NDUFAF4: variants seen among roughly 807,000 people sequenced by gnomAD.
The protein encoded by NDUFAF4 is NADH:ubiquinone oxidoreductase complex assembly factor 4.
Under a neutral mutation model 15.6 loss-of-function variants are expected in NDUFAF4, and 10 were observed. The observed-to-expected ratio is 0.64, with a 90% CI of 0.40 to 1.09. NDUFAF4 has a LOEUF of 1.09. Among genes scored for constraint, NDUFAF4 ranks in the 50% least tolerant of loss-of-function variants. NDUFAF4 has a pLI of 0.01. For synonymous variants in NDUFAF4, 77 were observed against 73.3 expected (o/e 1.05, Z -0.26); for missense variants, 203 against 207.3 (o/e 0.98, Z 0.13).
intron 2 of NDUFAF4, among the ~76,000 whole-genome samples, chr6:96,895,384 T>C (rs1775359542): frequency 6.6e-6 from 1 of 152,074 alleles, no homozygotes; most frequent in East Asian, 1.9e-4. Context: ...GTATCAATGA[T>C]GTCTAGAGGC....
At position 96,889,465 on chromosome 6, in the gene NDUFAF4, T is replaced by C. The variant is rs1775285331; in HGVS notation, c.*1639A>G. ...GACCATTATGATAAAAAGAATAAAG[T>C]TTTGACTTATTTACAGTTTTAAAAT... is the stretch of plus-strand genomic sequence containing the variant. On this transcript the variant is annotated 3_prime_UTR_variant, in exon 3 of 3. Transcript: ENST00000316149. 1 of 152,154 alleles carries C rather than the reference T, an allele frequency of 6.6e-6. No individual in the cohort carries two copies. The highest frequency in any genetic ancestry group is 2.1e-4 in the South Asian group (1 of 4,822). The allele number at this position is 152,154 out of a possible 1,614,324, so 9.4% of individuals were successfully genotyped here. A position where few individuals can be genotyped will look rare whatever the true frequency, so the allele number is the denominator to read the frequency against.
chr6:96,897,793 T>A lies in NDUFAF4; in HGVS notation c.9A>T (p.Ala3=), dbSNP rs749336430. 15 of 1,614,060 alleles carry A rather than the reference T, an allele frequency of 9.3e-6. No individual in the cohort carries two copies. Among genetic ancestry groups the A allele is most frequent in the Non-Finnish European group, 1.3e-5 (15 of 1,180,002 alleles). MG[A]LVIRGIRNFN... ...AATTCCTGATACCGCGAATCACTAGTGCTCCCATCTCCTCATAACATTATG... is the reference window on the plus strand; with the variant it reads ...AATTCCTGATACCGCGAATCACTAGAGCTCCCATCTCCTCATAACATTATG... The change falls in exon 1 of 3, where the codon GCA becomes GCT. Residue 3 remains alanine (A), a synonymous_variant. Transcript: ENST00000316149.
chr6:96,890,219 CTA>C lies in NDUFAF4; in HGVS notation c.*883_*884del, dbSNP rs1204913279. ...TGATCCTGTTCTCTGCTTCTACTTG[CTA>C]TCTTTTTCTCTTCTCTCAACTAGCA... is the stretch of plus-strand genomic sequence containing the variant. On this transcript the variant is annotated 3_prime_UTR_variant, in exon 3 of 3. Transcript: ENST00000316149. The C allele has an allele frequency of 2.0e-5, 3 of 152,032 alleles. No homozygotes were observed. Among genetic ancestry groups the C allele is most frequent in the Non-Finnish European group, 1.5e-5 (1 of 67,970 alleles). 9.4% of individuals were successfully genotyped at this position (152,032 alleles called of 1,614,324 possible).
chr6:96,895,073 T>G (rs1775355063), intron 2 of NDUFAF4, among the ~76,000 whole-genome samples: 1 of 152,154 alleles, frequency 6.6e-6, no homozygotes, highest in Non-Finnish European at 1.5e-5. Context: ...TTTAAGTAAG[T>G]GGAGAAAGGT....
intron 2 of NDUFAF4, chr6:96,895,984 T>C (rs1775365315): frequency 3.9e-5 from 6 of 152,256 alleles, no homozygotes; most frequent in Non-Finnish European, 2.9e-5. Flanking sequence ...CTCCAACTGA[T>C]CCCTCCTCAG....
chr6:96,892,842 A>G (rs1775331701), intron 2 of NDUFAF4, among the ~76,000 whole-genome samples: 1 of 152,102 alleles, frequency 6.6e-6, no homozygotes, highest in South Asian at 2.1e-4. Context: ...CTTCCAAAGT[A>G]ATCCCACACA....
In NDUFAF4 at chr6:96,890,542, A is replaced by C. The variant is rs1775301885; in HGVS notation, c.*562T>G. 6.6e-6 allele frequency: 1 copy of C among 152,430 alleles called. No homozygotes were observed. Among genetic ancestry groups the C allele is most frequent in the African/African-American group, 2.4e-5 (1 of 41,438 alleles). 9.4% of individuals were successfully genotyped at this position (152,430 alleles called of 1,614,324 possible). A position where few individuals can be genotyped will look rare whatever the true frequency, so the allele number is the denominator to read the frequency against. On this transcript the variant is annotated 3_prime_UTR_variant, in exon 3 of 3. Coordinates refer to ENST00000316149, the MANE Select transcript of NDUFAF4 (RefSeq NM_014165.4). ...CTTAAAACCAATTCAAAATAAAATAAATCCTCAATACTTCTTATTCCCTGG... is the reference window on the plus strand; with the variant it reads ...CTTAAAACCAATTCAAAATAAAATACATCCTCAATACTTCTTATTCCCTGG...
rs1389498709 is a variant in NDUFAF4, at chr6:96,889,839, A to G, written c.*1265T>C. The G allele has an allele frequency of 1.3e-5, 2 of 152,154 alleles. No individual in the cohort carries two copies. Among genetic ancestry groups the G allele is most frequent in the Admixed American group, 6.6e-5 (1 of 15,254 alleles). The allele number at this position is 152,154 out of a possible 1,614,324, so 9.4% of individuals were successfully genotyped here. ...AAGACAGAAAAAACACACTACTAGG[A>G]TTTGAAAAACTAAATTCTGGGCCTG... On this transcript the variant is annotated 3_prime_UTR_variant, in exon 3 of 3. Coordinates refer to ENST00000316149, the MANE Select transcript of NDUFAF4 (RefSeq NM_014165.4).
Position 96,891,398 on chromosome 6 carries a change from T to C in NDUFAF4, c.241-7A>G. 2 of 1,462,100 alleles carry C rather than the reference T, an allele frequency of 1.4e-6. No homozygotes were observed. The highest frequency in any genetic ancestry group is 1.8e-6 in the Non-Finnish European group (2 of 1,112,924). 90.6% of individuals were successfully genotyped at this position (1,462,100 alleles called of 1,614,324 possible). On this transcript the variant is annotated splice_polypyrimidine_tract_variant and splice_region_variant and intron_variant, in intron 2 of 2. Transcript: ENST00000316149. ...ATGTTTCAGCAGCTTTTACCTAGTATCAAAAAAAAAAGGTTTTAGGATGAG... is the reference window on the plus strand; with the variant it reads ...ATGTTTCAGCAGCTTTTACCTAGTACCAAAAAAAAAAGGTTTTAGGATGAG...
chr6:96,892,777 A>T (rs539463527), intron 2 of NDUFAF4, among the ~76,000 whole-genome samples: 1 of 151,892 alleles, frequency 6.6e-6, no homozygotes, highest in South Asian at 2.1e-4. Context: ...CTTACCCTTA[A>T]ATGTCAGTGT....
rs780192303 is a variant in NDUFAF4 at position 96,891,057 on chromosome 6, C to G, written c.*47G>C. 6.5e-7 allele frequency: 1 copy of G among 1,532,046 alleles called. No homozygotes were observed. The highest frequency in any genetic ancestry group is 2.2e-4 in the Middle Eastern group (1 of 4,462). 94.9% of individuals were successfully genotyped at this position (1,532,046 alleles called of 1,614,324 possible). On this transcript the variant is annotated 3_prime_UTR_variant, in exon 3 of 3. Coordinates refer to ENST00000316149, the MANE Select transcript of NDUFAF4 (RefSeq NM_014165.4). ...ATTACGCAAAAAATGAGAAAATATACAGCAGGAGGGATGAGGAGTACACAT... is the reference window on the plus strand; with the variant it reads ...ATTACGCAAAAAATGAGAAAATATAGAGCAGGAGGGATGAGGAGTACACAT...
At chr6:96,892,404 C>T (rs1775327042) in intron 2 of NDUFAF4, among the ~76,000 whole-genome samples, 3 of 152,092 alleles carry the variant, frequency 2.0e-5, no homozygotes, top group Admixed American at 1.3e-4. Context: ...CCTTTTTTTA[C>T]TGCACTGTGC....
intron 2 of NDUFAF4, 22 bp downstream of exon 2, chr6:96,896,722 A>C: frequency 5.8e-6 from 9 of 1,552,050 alleles, no homozygotes; most frequent in Non-Finnish European, 8.0e-6. Context: ...TTGTGTATTC[A>C]CTTAATTAAA....
chr6:96,894,762 C>T (rs891982731), intron 2 of NDUFAF4, among the ~76,000 whole-genome samples: 37 of 152,104 alleles, frequency 2.4e-4, no homozygotes, highest in African/African-American at 7.2e-4. Flanking sequence ...CACTCAAAGA[C>T]TTAATAATTA....
At chr6:96,892,477 C>A (rs1211613600) in intron 2 of NDUFAF4, among the ~76,000 whole-genome samples, 3 of 152,150 alleles carry the variant, frequency 2.0e-5, no homozygotes, top group Non-Finnish European at 4.4e-5. Context: ...AACATGCCCA[C>A]CAAACCCAAA....
At position 96,891,177 on chromosome 6, in the gene NDUFAF4, A is replaced by G. The variant is rs1775310013; in HGVS notation, c.455T>C (p.Leu152Pro). The G allele has an allele frequency of 1.2e-6, 2 of 1,613,058 alleles. No individual in the cohort carries two copies. The highest frequency in any genetic ancestry group is 8.5e-7 in the Non-Finnish European group (1 of 1,179,290). Residue 152 changes from leucine to proline, a missense_variant, in exon 3 of 3, where the codon CTT becomes CCT. Transcript: ENST00000316149. ...TTCAAAAGTAACAAAATATTTAAGA[A>G]GAGAATTCACATCTTTCTGTTCTAA... Reference protein sequence around the residue: ...YQLEQKDVNSLLKYFVTFEVE... With the variant: ...YQLEQKDVNSPLKYFVTFEVE...
chr6:96,892,752 AC>A (rs1298542849), intron 2 of NDUFAF4, among the ~76,000 whole-genome samples: 3 of 151,430 alleles, frequency 2.0e-5, no homozygotes, highest in Non-Finnish European at 4.4e-5. Flanking sequence ...TTATTCATGG[AC>A]CCTTTTCCTT....
rs554207398 is a variant in NDUFAF4 at position 96,889,707 on chromosome 6, G to T, written c.*1397C>A. Reference sequence around the variant, plus strand: ...AACATCCTCTATATCATTTCCAGGGGCATCTCTGGGAAGTAGTGATGCCTA... The same window carrying T: ...AACATCCTCTATATCATTTCCAGGGTCATCTCTGGGAAGTAGTGATGCCTA... On this transcript the variant is annotated 3_prime_UTR_variant, in exon 3 of 3. Coordinates refer to ENST00000316149, the MANE Select transcript of NDUFAF4 (RefSeq NM_014165.4). 1 of 152,346 alleles carries T rather than the reference G, an allele frequency of 6.6e-6. No individual in the cohort carries two copies. Among genetic ancestry groups the T allele is most frequent in the East Asian group, 1.9e-4 (1 of 5,188 alleles). The allele number at this position is 152,346 out of a possible 1,614,324, so 9.4% of individuals were successfully genotyped here.
Position 96,890,054 on chromosome 6 carries a change from T to C in NDUFAF4, c.*1050A>G, listed in dbSNP as rs1484751817. ...AAACTCAATCTCCAAGAAGATATAGTCTCCCAAAGATCCCCCAAGTAGTAA... is the reference window on the plus strand; with the variant it reads ...AAACTCAATCTCCAAGAAGATATAGCCTCCCAAAGATCCCCCAAGTAGTAA... On this transcript the variant is annotated 3_prime_UTR_variant, in exon 3 of 3. Transcript: ENST00000316149. 6.6e-6 allele frequency: 1 copy of C among 152,068 alleles called. No homozygotes were observed. Among genetic ancestry groups the C allele is most frequent in the African/African-American group, 2.4e-5 (1 of 41,414 alleles). The allele number at this position is 152,068 out of a possible 1,614,324, so 9.4% of individuals were successfully genotyped here. A position where few individuals can be genotyped will look rare whatever the true frequency, so the allele number is the denominator to read the frequency against.
Sources: gnomAD v4.1 joint callset for allele counts (sites outside exome capture counted in the v4.1 genomes callset) on GRCh38, gnomAD v4.1.1 for gene constraint, MANE v1.5 for transcripts, NCBI Gene and HGNC (gene_info 2026-07-23, HGNC 2026-07-21) for gene names.